Variants in ODR4 observed in about 807,000 individuals in gnomAD.
The protein encoded by ODR4 is odr-4 GPCR localization factor homolog, also known as protein odr-4 homolog.
A neutral mutation model predicts 60.2 loss-of-function variants in ODR4; 47 were observed. The ratio of observed to expected loss-of-function variants is 0.78; its 90% CI spans 0.62 to 1.00. The LOEUF (loss-of-function observed/expected upper bound fraction) is 1.00. Among genes scored for constraint, ODR4 ranks in the 50% least tolerant of loss-of-function variants. The probability of loss-of-function intolerance (pLI) is 0.00; values close to 1 mark genes in which losing one functional copy is unlikely to be tolerated. For synonymous variants in ODR4, 178 were observed against 175.5 expected, an observed-to-expected ratio of 1.01 and a Z score of -0.11; for missense variants, 488 against 530.8, an observed-to-expected ratio of 0.92 and a Z score of 0.79.
chr1:186,398,551 G>A lies in ODR4; in HGVS notation c.909+110G>A, dbSNP rs557870043. ...TGTAATTATTAATTCGATTTTAACT[G>A]ATAATGGCCTATTGTGCAGTCCAAA... On this transcript the variant is annotated intron_variant, in intron 10 of 13. Coordinates refer to ENST00000287859, the MANE Select transcript of ODR4 (RefSeq NM_017847.6). 2.7e-5 allele frequency: 29 copies of A among 1,078,464 alleles called. No homozygotes were observed. In the East Asian group the frequency reaches 2.8e-4, roughly 11 times the overall value. The allele number at this position is 1,078,464 out of a possible 1,614,324, so 66.8% of individuals were successfully genotyped here.
intron 11 of ODR4, among the ~76,000 whole-genome samples, chr1:186,405,076 A>G (rs1558088180): frequency 2.6e-5 from 4 of 152,116 alleles, no homozygotes; most frequent in Admixed American, 6.5e-5. Context: ...ATTTAGATTT[A>G]TTTTTTTCTA....
intron 11 of ODR4, 48 bp from the exon 12 acceptor site, chr1:186,406,035 C>A (rs1445538308): frequency 4.1e-6 from 5 of 1,221,138 alleles, no homozygotes; most frequent in Non-Finnish European, 5.6e-6. Context: ...ATCACTGATA[C>A]CAGTGACAAA....
At chr1:186,417,770 A>G (rs1661627435) in intron 13 of ODR4, 116 bp downstream of exon 13, 4 of 636,496 alleles carry the variant, frequency 6.3e-6, no homozygotes, top group Non-Finnish European at 1.1e-5. Flanking sequence ...ACTTAACAGT[A>G]TTTATTGGGT....
At chr1:186,405,852 A>G (rs1323308713) in intron 11 of ODR4, among the ~76,000 whole-genome samples, 1 of 152,052 alleles carries the variant, frequency 6.6e-6, no homozygotes, top group African/African-American at 2.4e-5. Flanking sequence ...GCGCCTGGAG[A>G]TAAGTTTATT....
chr1:186,422,477 A>G (rs1447380674), downstream of ODR4, among the ~76,000 whole-genome samples: 1 of 152,086 alleles, frequency 6.6e-6, no homozygotes, highest in East Asian at 1.9e-4. Flanking sequence ...GTATTAAACA[A>G]TTAAAGAATA....
intron 11 of ODR4, chr1:186,401,226 C>T: frequency 6.8e-7 from 1 of 1,465,946 alleles, no homozygotes; most frequent in East Asian, 2.3e-5. Flanking sequence ...CCCCTAACAG[C>T]AGTTGTACTG....
At chr1:186,387,675 A>T (rs1385537042) in intron 4 of ODR4, among the ~76,000 whole-genome samples, 3 of 152,132 alleles carry the variant, frequency 2.0e-5, no homozygotes, top group African/African-American at 7.2e-5. Flanking sequence ...TTCCGGAAGA[A>T]TTTCTTTTTA....
chr1:186,402,163 G>C (rs1271616761), intron 11 of ODR4, among the ~76,000 whole-genome samples: 2 of 126,328 alleles, frequency 1.6e-5, no homozygotes, highest in Non-Finnish European at 3.5e-5. Context: ...AGTAACCTCA[G>C]ACAAATAACT....
At chr1:186,425,137 TCATCTCAATATGA>T (rs1661862128), downstream of ODR4, among the ~76,000 whole-genome samples, 1 of 152,054 alleles carries the variant, frequency 6.6e-6, no homozygotes. Context: ...CCTTAAAGTC[TCATCTCAATATGA>T]CATCAAGTTC....
At chr1:186,398,916 T>C (rs1176331656) in intron 10 of ODR4, 38 bp from the exon 11 acceptor site, 1 of 1,432,116 alleles carries the variant, frequency 7.0e-7, no homozygotes. Context: ...TAAAGTATTT[T>C]ATTTCTTACT....
the ODR4 span, among the ~76,000 whole-genome samples, chr1:186,426,950 C>G: frequency 2.6e-5 from 4 of 152,006 alleles, no homozygotes; most frequent in East Asian, 7.7e-4. Flanking sequence ...ATGTATATAC[C>G]TTAATTTAAA....
At chr1:186,410,074 T>G (rs1433025333) in intron 12 of ODR4, among the ~76,000 whole-genome samples, 2 of 152,262 alleles carry the variant, frequency 1.3e-5, no homozygotes, top group African/African-American at 2.4e-5. Flanking sequence ...TATTTATCTG[T>G]ACCTAAAACA....
In ODR4 at chr1:186,395,982, G is replaced by A. The variant is rs1030963775; in HGVS notation, c.780+1967G>A. On this transcript the variant is annotated intron_variant, in intron 9 of 13. Coordinates refer to ENST00000287859, the MANE Select transcript of ODR4 (RefSeq NM_017847.6). ...ATTTTCTACCTCTTATTTTCTAGAT[G>A]TATGCTTGCCATACCTTTAAAGCTC... Among the ~76,000 whole-genome samples, 3 of 152,120 alleles carry A rather than the reference G, an allele frequency of 2.0e-5. No individual in the cohort carries two copies. In the East Asian group the frequency reaches 5.8e-4, roughly 29 times the overall value.
At chr1:186,432,068 C>T in the ODR4 span, among the ~76,000 whole-genome samples, 1 of 152,108 alleles carries the variant, frequency 6.6e-6, no homozygotes, top group Non-Finnish European at 1.5e-5. Context: ...GAGTAATTAC[C>T]TCAGTGGGAA....
chr1:186,383,920 TC>T (rs1198204321), intron 3 of ODR4, among the ~76,000 whole-genome samples: 1 of 152,006 alleles, frequency 6.6e-6, no homozygotes, highest in Non-Finnish European at 1.5e-5. Flanking sequence ...GTGCCTGTAA[TC>T]CCAGCTACTT....
Position 186,406,093 on chromosome 1 carries a change from A to G in ODR4, c.1011A>G (p.Lys337=), listed in dbSNP as rs752309117. Residue 337 remains lysine, a synonymous_variant, in exon 12 of 14, where the codon AAA becomes AAG. Transcript: ENST00000287859. Reference sequence around the variant, plus strand: ...TTCTTTTCCTTTTAGATTCTGAAAAAGAGTTCCACGTCCTCCCTTATCGAG... The same window carrying G: ...TTCTTTTCCTTTTAGATTCTGAAAAGGAGTTCCACGTCCTCCCTTATCGAG... The part of the protein sequence containing the change: ...NEIPEKKDSE[K]EFHVLPYRVF... 5 of 1,557,624 alleles carry G rather than the reference A, an allele frequency of 3.2e-6. No individual in the cohort carries two copies. Among genetic ancestry groups the G allele is most frequent in the Admixed American group, 4.0e-5 (2 of 50,504 alleles).
chr1:186,419,088 A>G lies in ODR4; in HGVS notation c.*12A>G. ...ACTTCAGTGATTAGGGTGAGGCACAAAGAGTTTCTTGATCATCCAGAGAAC... is the reference window on the plus strand; with the variant it reads ...ACTTCAGTGATTAGGGTGAGGCACAGAGAGTTTCTTGATCATCCAGAGAAC... On this transcript the variant is annotated 3_prime_UTR_variant, in exon 14 of 14. Transcript: ENST00000287859. 2.5e-6 allele frequency: 4 copies of G among 1,603,268 alleles called. No individual in the cohort carries two copies. The highest frequency in any genetic ancestry group is 2.2e-5 in the South Asian group (2 of 89,668).
the ODR4 span, among the ~76,000 whole-genome samples, chr1:186,433,131 C>A: frequency 5.3e-5 from 8 of 152,186 alleles, no homozygotes; most frequent in East Asian, 1.5e-3. Context: ...CATGTGAATT[C>A]TATCTATAAA....
In ODR4 at chr1:186,417,536, C is replaced by T. The variant is rs189503933; in HGVS notation, c.1187-8C>T. Reference sequence around the variant, plus strand: ...TATGTGGAATTTATTATTATTATACCCTTTCAGCTTGTATGAGTTCTTCTA... The same window carrying T: ...TATGTGGAATTTATTATTATTATACTCTTTCAGCTTGTATGAGTTCTTCTA... On this transcript the variant is annotated splice_region_variant and splice_polypyrimidine_tract_variant and intron_variant, in intron 12 of 13. Transcript: ENST00000287859. 1.1e-4 allele frequency: 163 copies of T among 1,438,382 alleles called. 1 individual carries two copies. The highest frequency in any genetic ancestry group is 1.9e-4 in the Admixed American group (10 of 52,978). The allele number at this position is 1,438,382 out of a possible 1,614,324, so 89.1% of individuals were successfully genotyped here.
Sources: allele counts gnomAD v4.1 joint callset (sites outside exome capture counted in the v4.1 genomes callset), GRCh38; gene constraint gnomAD v4.1.1; transcripts MANE v1.5; gene names NCBI Gene and HGNC (gene_info 2026-07-23, HGNC 2026-07-21).